HEATR1: variants seen among roughly 807,000 people sequenced by gnomAD.
HEATR1 encodes the protein HEAT repeat-containing protein 1.
Under a neutral mutation model 248.2 loss-of-function variants are expected in HEATR1, and 77 were observed. That is an observed-to-expected ratio of 0.31 (90% CI 0.26 to 0.37). The LOEUF (loss-of-function observed/expected upper bound fraction) is 0.37. Among genes scored for constraint, HEATR1 ranks in the 10% least tolerant of loss-of-function variants. The probability of loss-of-function intolerance (pLI) is 1.00; values close to 1 mark genes in which losing one functional copy is unlikely to be tolerated. For missense variants in HEATR1, 2,420 were observed against 2,504.9 expected, an observed-to-expected ratio of 0.97 and a Z score of 0.72; for synonymous variants, 897 against 923.1, an observed-to-expected ratio of 0.97 and a Z score of 0.51.
intron 14 of HEATR1, among the ~76,000 whole-genome samples, chr1:236,587,041 T>C (rs1002359856): frequency 1.3e-5 from 2 of 152,106 alleles, no homozygotes; most frequent in East Asian, 3.8e-4. Context: ...TCTGAACTTA[T>C]TTTTTAATTT....
At chr1:236,566,470 T>C (rs561988301) in intron 30 of HEATR1, among the ~76,000 whole-genome samples, 176 bp downstream of exon 30, 1 of 152,306 alleles carries the variant, frequency 6.6e-6, no homozygotes, top group Non-Finnish European at 1.5e-5. Flanking sequence ...CAGAGTGCTA[T>C]GGGCTCTGAA....
chr1:236,560,176 G>A (rs908340629), intron 33 of HEATR1, among the ~76,000 whole-genome samples: 1 of 152,028 alleles, frequency 6.6e-6, no homozygotes, highest in Admixed American at 6.6e-5. Context: ...GGTGTTCAGG[G>A]AGTTATGGCC....
Position 236,563,894 on chromosome 1 carries a change from C to A in HEATR1, c.4599+604G>T, listed in dbSNP as rs79433641. 2.6e-5 allele frequency among the ~76,000 whole-genome samples: 4 copies of A among 152,100 alleles called. No homozygotes were observed. The South Asian group carries it at 8.3e-4, about 32-fold the overall frequency. On this transcript the variant is annotated intron_variant, in intron 32 of 44. Coordinates refer to ENST00000366582, the MANE Select transcript of HEATR1 (RefSeq NM_018072.6). ...CTATGGGAACTCGAGTTGGGAGGAT[C>A]GCTTGAGGCCAGGAATTTGACATCA...
chr1:236,554,714 A>G lies in HEATR1; in HGVS notation c.5962T>C (p.Cys1988Arg). ...FFDSENDPEK[C>R]CLLLQFILNC... The stretch of plus-strand genomic sequence containing the variant: ...AAAATAAACTGCAACAGCAAGCAGC[A>G]CTTTTCAGGGTCATTTTCAGAGTCA... Residue 1988 changes from cysteine (C) to arginine (R), a missense_variant, in exon 42 of 45, where the codon TGC becomes CGC. Physicochemically the swap from Cys to Arg is radical, Grantham distance 180 (BLOSUM62 -3). Transcript: ENST00000366582. 6.2e-7 allele frequency: 1 copy of G among 1,613,022 alleles called. No individual in the cohort carries two copies. Among genetic ancestry groups the G allele is most frequent in the East Asian group, 2.2e-5 (1 of 44,842 alleles).
chr1:236,570,116 G>A lies in HEATR1; in HGVS notation c.3949-992C>T, dbSNP rs138366333. On this transcript the variant is annotated intron_variant, in intron 28 of 44. Transcript: ENST00000366582. ...ATCCTGGCTAACACGGTGAAACCCC[G>A]TCTCTACTAAAAATACAAAAAAATT... Among the ~76,000 whole-genome samples the A allele has an allele frequency of 2.4e-3, 361 of 152,108 alleles. 3 individuals carry two copies. Among genetic ancestry groups the A allele is most frequent in the African/African-American group, 8.3e-3 (346 of 41,484 alleles).
chr1:236,554,451 T>C (rs933892660), intron 42 of HEATR1, 147 bp downstream of exon 42: 2 of 705,438 alleles, frequency 2.8e-6, no homozygotes, highest in Non-Finnish European at 4.7e-6. Context: ...AAAACAATTT[T>C]CAAATAAAAC....
intron 37 of HEATR1, among the ~76,000 whole-genome samples, chr1:236,556,716 A>C (rs767045901): frequency 9.8e-5 from 15 of 152,324 alleles, no homozygotes; most frequent in Middle Eastern, 3.4e-3. Context: ...AACACAATGG[A>C]ACAGCCAGGT....
chr1:236,586,252 C>A lies in HEATR1; in HGVS notation c.1916G>T (p.Gly639Val). 5 of 1,606,638 alleles carry A rather than the reference C, an allele frequency of 3.1e-6. No homozygotes were observed. Among genetic ancestry groups the A allele is most frequent in the Non-Finnish European group, 3.4e-6 (4 of 1,177,286 alleles). ...ACTGAATTTTTTACCTTCTTCCCAGCCTCTTAATAGAGGGTGCAGGGAGCA... is the reference window on the plus strand; with the variant it reads ...ACTGAATTTTTTACCTTCTTCCCAGACTCTTAATAGAGGGTGCAGGGAGCA... ...GICSLHPLLR[G>V]WEEALENVIK... Residue 639 changes from glycine to valine, a missense_variant, in exon 15 of 45, where the codon GGC becomes GTC. By Grantham distance (109) the Gly-to-Val change is moderately radical (BLOSUM62 -3). Transcript: ENST00000366582.
intron 32 of HEATR1, among the ~76,000 whole-genome samples, chr1:236,563,463 T>C (rs1663189315): frequency 6.6e-6 from 1 of 151,930 alleles, no homozygotes; most frequent in Non-Finnish European, 1.5e-5. Flanking sequence ...TTGTATTTTT[T>C]AGTAGAGACC....
At position 236,566,720 on chromosome 1, in the gene HEATR1, G is replaced by A; in HGVS notation, c.4234C>T (p.Leu1412Phe). 2 of 1,614,150 alleles carry A rather than the reference G, an allele frequency of 1.2e-6. No individual in the cohort carries two copies. Among genetic ancestry groups the A allele is most frequent in the Non-Finnish European group, 8.5e-7 (1 of 1,180,028 alleles). The stretch of plus-strand genomic sequence containing the variant: ...AAAAGCAAGATGAGGAGAATCCAGA[G>A]GAATTTCTCTGCACCCAGTGTATCA... ...LVDTLGAEKFLWILLILLFEQ... is the reference protein window; with the variant it reads ...LVDTLGAEKFFWILLILLFEQ... Residue 1412 changes from leucine to phenylalanine, a missense_variant, in exon 30 of 45, where the codon CTC becomes TTC. Coordinates refer to ENST00000366582, the MANE Select transcript of HEATR1 (RefSeq NM_018072.6).
chr1:236,554,356 C>T (rs575172497), intron 42 of HEATR1, among the ~76,000 whole-genome samples: 1 of 152,206 alleles, frequency 6.6e-6, no homozygotes, highest in African/African-American at 2.4e-5. Flanking sequence ...TGCACCACTG[C>T]ACTCCAGCCT....
chr1:236,567,170 G>A lies in HEATR1; in HGVS notation c.4078-294C>T, dbSNP rs1663294791. On this transcript the variant is annotated intron_variant, in intron 29 of 44. Coordinates refer to ENST00000366582, the MANE Select transcript of HEATR1 (RefSeq NM_018072.6). Reference sequence around the variant, plus strand: ...ACTTTTTAAAAATTTTTGTAGAGACGGGGTTTTGCTATGTTGACCGGGCTG... The same window carrying A: ...ACTTTTTAAAAATTTTTGTAGAGACAGGGTTTTGCTATGTTGACCGGGCTG... Among the ~76,000 whole-genome samples, 3 of 152,066 alleles carry A rather than the reference G, an allele frequency of 2.0e-5. No individual in the cohort carries two copies. The South Asian group carries it at 6.2e-4, about 32-fold the overall frequency.
chr1:236,598,397 G>A (rs1414335497), intron 4 of HEATR1, among the ~76,000 whole-genome samples: 2 of 152,092 alleles, frequency 1.3e-5, no homozygotes, highest in South Asian at 4.1e-4. Context: ...ACCATCTAGC[G>A]TTGTACATGG....
intron 29 of HEATR1, among the ~76,000 whole-genome samples, chr1:236,567,548 A>G (rs1663306239): frequency 6.6e-6 from 1 of 152,172 alleles, no homozygotes; most frequent in South Asian, 2.1e-4. Flanking sequence ...CATCTCTACT[A>G]AAAATACAAA....
chr1:236,555,429 C>T lies in HEATR1; in HGVS notation c.5790G>A (p.Lys1930=), dbSNP rs1352395597. 2.5e-6 allele frequency: 4 copies of T among 1,614,196 alleles called. 1 individual carries two copies. The South Asian group carries it at 4.4e-5, about 18-fold the overall frequency. The change falls in exon 41 of 45, where the codon AAG becomes AAA. Residue 1930 remains lysine (K), a synonymous_variant. Coordinates refer to ENST00000366582, the MANE Select transcript of HEATR1 (RefSeq NM_018072.6). ...FDWAKTEDAP[K]DRLLTFYNLA... is the part of the protein sequence containing the mutation. ...AGTTGTAAAATGTCAACAACCTGTC[C>T]TTTGGGGCATCTTCTGTTTTAGCCC... is the stretch of plus-strand genomic sequence containing the variant.
intron 3 of HEATR1, among the ~76,000 whole-genome samples, chr1:236,599,942 G>C (rs992974034): frequency 6.6e-6 from 1 of 151,812 alleles, no homozygotes; most frequent in African/African-American, 2.4e-5. Context: ...ACTCAGGCTG[G>C]AGTGCAGTGG....
At chr1:236,579,777 A>G (rs1364462854) in intron 20 of HEATR1, among the ~76,000 whole-genome samples, 1 of 152,180 alleles carries the variant, frequency 6.6e-6, no homozygotes, top group African/African-American at 2.4e-5. Context: ...TTACATATCT[A>G]CTTTAAATGT....
chr1:236,573,588 T>C (rs1663488236), intron 24 of HEATR1, among the ~76,000 whole-genome samples: 1 of 152,068 alleles, frequency 6.6e-6, no homozygotes, highest in South Asian at 2.1e-4. Context: ...TTTCAAAAGA[T>C]GCACACTGAA....
chr1:236,592,275 T>G (rs1205808353), intron 10 of HEATR1, among the ~76,000 whole-genome samples, 165 bp from the exon 11 acceptor site: 1 of 152,196 alleles, frequency 6.6e-6, no homozygotes, highest in Non-Finnish European at 1.5e-5. Context: ...GTCAAGTGTG[T>G]TACTATGACT....
Sources: gnomAD v4.1 joint callset for allele counts (sites outside exome capture counted in the v4.1 genomes callset) on GRCh38, gnomAD v4.1.1 for gene constraint, MANE v1.5 for transcripts, NCBI Gene and HGNC (gene_info 2026-07-23, HGNC 2026-07-21) for gene names.